The following NRP2 variants were observed in gnomAD, a reference collection of about 807,000 sequenced individuals.
NRP2 encodes neuropilin 2.
Under a neutral mutation model 110.4 loss-of-function variants are expected in NRP2, and 52 were observed. That is an observed-to-expected ratio of 0.47 (90% CI 0.38 to 0.59). The LOEUF (loss-of-function observed/expected upper bound fraction) is 0.59. Ranked by LOEUF, NRP2 falls within the 20% of genes least tolerant of loss-of-function variation. The pLI is 0.00. For missense variants in NRP2, 1,049 were observed against 1,203.0 expected (o/e 0.87, Z 1.89); for synonymous variants, 508 against 468.9 (o/e 1.08, Z -1.08).
At chr2:205,742,133 G>A (rs1046415104) in intron 8 of NRP2, among the ~76,000 whole-genome samples, 1 of 152,206 alleles carries the variant, frequency 6.6e-6, no homozygotes, top group Admixed American at 6.5e-5. Flanking sequence ...TGAAAGGAGA[G>A]AACCAGTGAT....
Position 205,726,749 on chromosome 2 carries a change from G to A in NRP2, c.990+667G>A, listed in dbSNP as rs1575592729. ...AAAGCAAGCTACTAGTTCCACACCAGAGCAGTGACTGCTTTTATGACACAC... is the reference window on the plus strand; with the variant it reads ...AAAGCAAGCTACTAGTTCCACACCAAAGCAGTGACTGCTTTTATGACACAC... On this transcript the variant is annotated intron_variant, in intron 6 of 16. Coordinates refer to ENST00000357785, the MANE Select transcript of NRP2 (RefSeq NM_003872.3). 1.3e-5 allele frequency among the ~76,000 whole-genome samples: 2 copies of A among 152,294 alleles called. 1 individual carries two copies. Among genetic ancestry groups the A allele is most frequent in the African/African-American group, 4.8e-5 (2 of 41,564 alleles).
intron 9 of NRP2, chr2:205,743,819 C>T: frequency 1.9e-6 from 1 of 525,208 alleles, no homozygotes; most frequent in Non-Finnish European, 3.2e-6. Flanking sequence ...TCTCGGCTCA[C>T]TGCAACCTCC....
intron 7 of NRP2, among the ~76,000 whole-genome samples, chr2:205,737,185 G>C (rs2057359649): frequency 6.6e-6 from 1 of 152,134 alleles, no homozygotes; most frequent in South Asian, 2.1e-4. Context: ...CCTGTGAATG[G>C]GGCACTCCCC....
intron 15 of NRP2, among the ~76,000 whole-genome samples, chr2:205,770,059 G>A (rs866888812): frequency 4.6e-5 from 7 of 152,198 alleles, no homozygotes; most frequent in Non-Finnish European, 8.8e-5. Context: ...AGCAGAGCAC[G>A]GGCAGAGAGA....
intron 7 of NRP2, among the ~76,000 whole-genome samples, chr2:205,731,842 A>G (rs1440507909): frequency 6.6e-6 from 1 of 152,234 alleles, no homozygotes; most frequent in Non-Finnish European, 1.5e-5. Flanking sequence ...CACTGAGTTC[A>G]TCACATTAAT....
chr2:205,730,408 G>A (rs941672134), intron 7 of NRP2, among the ~76,000 whole-genome samples: 8 of 152,122 alleles, frequency 5.3e-5, no homozygotes, highest in African/African-American at 9.7e-5. Context: ...AAGAGGCTTC[G>A]TCCATGCCGA....
intron 9 of NRP2, 90 bp from the exon 10 acceptor site, chr2:205,745,656 G>A (rs183766984): frequency 6.0e-5 from 90 of 1,494,578 alleles, no homozygotes; most frequent in South Asian, 2.2e-4. Context: ...CAGGACGTGC[G>A]GGGCAGGGAG....
rs849545 is a variant in NRP2 at position 205,713,752 on chromosome 2, C to A, written c.252-2441C>A. 1.3e-3 allele frequency among the ~76,000 whole-genome samples: 204 copies of A among 152,320 alleles called. 5 individuals are homozygous for A. In the East Asian group the frequency reaches 0.035, roughly 26 times the overall value. ...TATCCCAGATGGATTCACCCTCCCT[C>A]TACGGTTGGGCTTTGAAACCATTTA... On this transcript the variant is annotated intron_variant, in intron 2 of 16. Transcript: ENST00000357785.
chr2:205,749,332 G>A (rs2057598528), intron 10 of NRP2, among the ~76,000 whole-genome samples: 1 of 152,226 alleles, frequency 6.6e-6, no homozygotes, highest in African/African-American at 2.4e-5. Flanking sequence ...TGTAGGGTCT[G>A]AGCCTCTTTA....
At chr2:205,752,720 A>C in intron 11 of NRP2, 115 bp from the exon 12 acceptor site, 1 of 1,114,662 alleles carries the variant, frequency 9.0e-7, no homozygotes, top group Non-Finnish European at 1.3e-6. Flanking sequence ...AAAGGAAGCC[A>C]CTTCTTTCTC....
chr2:205,738,021 G>A (rs1018814822), intron 7 of NRP2, among the ~76,000 whole-genome samples: 2 of 152,214 alleles, frequency 1.3e-5, no homozygotes, highest in Non-Finnish European at 2.9e-5. Flanking sequence ...TACTCATTGA[G>A]GAAAGAAAAG....
At chr2:205,689,793 C>T (rs1225787766) in intron 1 of NRP2, among the ~76,000 whole-genome samples, 1 of 152,136 alleles carries the variant, frequency 6.6e-6, no homozygotes, top group Non-Finnish European at 1.5e-5. Flanking sequence ...CAGCAGGGAA[C>T]ACCGTGTTTA....
chr2:205,791,524 A>G (rs2058301609), intron 15 of NRP2, among the ~76,000 whole-genome samples: 1 of 152,262 alleles, frequency 6.6e-6, no homozygotes, highest in Non-Finnish European at 1.5e-5. Flanking sequence ...CTCCCAAATT[A>G]TCATGAAAAA....
chr2:205,708,986 AC>A (rs528215438), intron 2 of NRP2, among the ~76,000 whole-genome samples: 155 of 152,348 alleles, frequency 1.0e-3, no homozygotes, highest in Non-Finnish European at 2.0e-3. Flanking sequence ...AGCAGCAGTA[AC>A]AACAAATGGC....
chr2:205,700,930 A>G (rs1012770874), intron 2 of NRP2: 2 of 333,374 alleles, frequency 6.0e-6, no homozygotes, highest in South Asian at 2.3e-5. Flanking sequence ...CCAAAGGACA[A>G]AAGGGCGAGA....
chr2:205,788,151 CTCA>C (rs2058256568), intron 15 of NRP2, among the ~76,000 whole-genome samples: 1 of 152,120 alleles, frequency 6.6e-6, no homozygotes, highest in Admixed American at 6.5e-5. Context: ...TGAATCATGC[CTCA>C]CCGTGTACCT....
At chr2:205,756,362 G>T (rs932700752) in intron 12 of NRP2, 3 of 152,060 alleles carry the variant, frequency 2.0e-5, no homozygotes, top group Non-Finnish European at 2.9e-5. Context: ...ACATTCTCAG[G>T]TGCTTTGAAC....
intron 9 of NRP2, among the ~76,000 whole-genome samples, chr2:205,744,667 T>C (rs2057505411): frequency 6.6e-6 from 1 of 152,072 alleles, no homozygotes; most frequent in Admixed American, 6.5e-5. Context: ...AACAGGTCCC[T>C]AAAAAAGGAG....
chr2:205,797,427 A>C lies in NRP2; in HGVS notation c.*2369A>C, dbSNP rs2058359916. On this transcript the variant is annotated 3_prime_UTR_variant, in exon 17 of 17. Coordinates refer to ENST00000357785, the MANE Select transcript of NRP2 (RefSeq NM_003872.3). ...AGTGAGCCATTTTACAGTTCTCCAA[A>C]GTCTAGCCCTGTTTCGGACCTGCAC... 6.6e-6 allele frequency: 1 copy of C among 152,178 alleles called. No homozygotes were observed. The highest frequency in any genetic ancestry group is 1.5e-5 in the Non-Finnish European group (1 of 68,050). 9.4% of individuals were successfully genotyped at this position (152,178 alleles called of 1,614,324 possible).
Sources: gnomAD v4.1 joint callset for allele counts (sites outside exome capture counted in the v4.1 genomes callset) on GRCh38, gnomAD v4.1.1 for gene constraint, MANE v1.5 for transcripts, NCBI Gene and HGNC (gene_info 2026-07-23, HGNC 2026-07-21) for gene names.